GIT1: variants seen among roughly 807,000 people sequenced by gnomAD.
GIT1 encodes the protein GIT ArfGAP 1.
GIT1 carries 14 observed loss-of-function variants against 91.7 expected under a neutral mutation model. The observed-to-expected ratio is 0.15, with a 90% CI of 0.10 to 0.24. The LOEUF (loss-of-function observed/expected upper bound fraction) is 0.24. Among genes scored for constraint, GIT1 ranks in the 10% least tolerant of loss-of-function variants. GIT1 has a pLI of 1.00. For missense variants in GIT1, 717 were observed against 1,024.9 expected (o/e 0.70, Z 4.10); for synonymous variants, 414 against 418.2 (o/e 0.99, Z 0.12).
At position 29,574,535 on chromosome 17, in the gene GIT1, G is replaced by A. The variant is rs2033114493; in HGVS notation, c.*167C>T. On this transcript the variant is annotated 3_prime_UTR_variant, in exon 20 of 20. Coordinates refer to ENST00000225394, the MANE Select transcript of GIT1 (RefSeq NM_014030.4). ...CTGCCCCCCCACCTCCCCATCCTTAGGGGCTCGACAGGGGTGGGCACCAGG... is the reference window on the plus strand; with the variant it reads ...CTGCCCCCCCACCTCCCCATCCTTAAGGGCTCGACAGGGGTGGGCACCAGG... 1.5e-6 allele frequency: 1 copy of A among 688,280 alleles called. No homozygotes were observed. Among genetic ancestry groups the A allele is most frequent in the Non-Finnish European group, 2.6e-6 (1 of 382,478 alleles). The allele number at this position is 688,280 out of a possible 1,614,324, so 42.6% of individuals were successfully genotyped here.
chr17:29,582,037 C>G lies in GIT1; in HGVS notation c.513G>C (p.Leu171=), dbSNP rs747303951. Residue 171 remains leucine (L), a synonymous_variant, in exon 5 of 20, where the codon CTG becomes CTC. Transcript: ENST00000225394. ...TCTGTCCTGCCTTGGCAGCCACGTG[C>G]AGAGGTGTGGTGCCCTTCTCTGGGT... The part of the protein sequence containing the change: ...FFHPEKGTTP[L]HVAAKAGQTL... The G allele has an allele frequency of 1.2e-6, 2 of 1,611,838 alleles. No homozygotes were observed. The highest frequency in any genetic ancestry group is 1.1e-5 in the South Asian group (1 of 91,088).
Position 29,576,959 on chromosome 17 carries a change from G to C in GIT1, c.1131C>G (p.Leu377=). ...LELSLRSQSD[L]DDQHDYDSVA... is the part of the protein sequence containing the mutation. ...CGCTGTCGTAGTCGTGTTGGTCGTC[G>C]AGGTCACTCTGGCTCCGCAGAGACA... Residue 377 remains leucine (L), a synonymous_variant, in exon 12 of 20, where the codon CTC becomes CTG. Coordinates refer to ENST00000225394, the MANE Select transcript of GIT1 (RefSeq NM_014030.4). The C allele has an allele frequency of 6.2e-7, 1 of 1,601,476 alleles. No homozygotes were observed.
chr17:29,583,351 G>T, intron 2 of GIT1, 132 bp downstream of exon 2: 3 of 893,922 alleles, frequency 3.4e-6, no homozygotes, highest in Non-Finnish European at 5.2e-6. Context: ...ATTAGCCTCT[G>T]CCCTAGGGGG....
chr17:29,581,789 T>C lies in GIT1; in HGVS notation c.671A>G (p.Tyr224Cys), dbSNP rs1457377796. The stretch of plus-strand genomic sequence containing the variant: ...GAAGGCCAGCCGGTCAGTGAGCTCA[T>C]ATTGGCACTCAACCAGCCTTTCCGC... ...ELAERLVECQ[Y>C]ELTDRLAFYL... Residue 224 changes from tyrosine to cysteine, a missense_variant, in exon 6 of 20, where the codon TAT becomes TGT. Around this residue, in one of 3 missense-constraint regions of GIT1, gnomAD observed 271 missense variants for 451.6 expected, o/e 0.60. Transcript: ENST00000225394. This position sits in a 1 kb window ranked among gnomAD's most constrained non-coding sequence, Gnocchi z 4.8. The C allele has an allele frequency of 6.2e-7, 1 of 1,612,522 alleles. No individual in the cohort carries two copies. The highest frequency in any genetic ancestry group is 1.7e-5 in the Admixed American group (1 of 60,026).
chr17:29,577,298 C>T (rs777537881), intron 10 of GIT1, 51 bp from the exon 11 acceptor site: 82 of 1,402,998 alleles, frequency 5.8e-5, no homozygotes, highest in Non-Finnish European at 7.4e-5. Context: ...TTATGACTGA[C>T]GCAGGACGGC....
At chr17:29,585,914 G>A (rs956996368) in intron 1 of GIT1, among the ~76,000 whole-genome samples, 31 of 152,142 alleles carry the variant, frequency 2.0e-4, no homozygotes, top group African/African-American at 6.5e-4. Context: ...CTGGGATCAC[G>A]TTAACCAGTG....
In GIT1 at chr17:29,589,435, G is replaced by C; in HGVS notation, c.-57C>G. The C allele has an allele frequency of 1.3e-6, 1 of 747,782 alleles. No homozygotes were observed. The highest frequency in any genetic ancestry group is 1.6e-6 in the Non-Finnish European group (1 of 615,278). The allele number at this position is 747,782 out of a possible 1,614,324, so 46.3% of individuals were successfully genotyped here. A position where few individuals can be genotyped will look rare whatever the true frequency, so the allele number is the denominator to read the frequency against. On this transcript the variant is annotated 5_prime_UTR_variant, in exon 1 of 20. Transcript: ENST00000225394. The surrounding 1 kb of genome is among the most constrained non-coding windows in gnomAD (Gnocchi z 5.2). ...GCCAGCGTGGGGGGCGCGGGCGGCG[G>C]GCCCGGGCGGCGGCGGCGGCCCCTG...
intron 7 of GIT1, among the ~76,000 whole-genome samples, chr17:29,580,369 C>T (rs2033356889): frequency 6.6e-6 from 1 of 152,202 alleles, no homozygotes; most frequent in Non-Finnish European, 1.5e-5. Flanking sequence ...TCTGAGTCGC[C>T]CAGGCCTGGT....
rs779368238 is a variant in GIT1, at chr17:29,582,681, T to C, written c.405+17A>G. On this transcript the variant is annotated intron_variant, in intron 4 of 19. Transcript: ENST00000225394. ...GAAGAGGAGGGGGCCACCCATCTGTTGTAGGGCCCCTCAAACCTTGCTGAG... is the reference window on the plus strand; with the variant it reads ...GAAGAGGAGGGGGCCACCCATCTGTCGTAGGGCCCCTCAAACCTTGCTGAG... 6.5e-7 allele frequency: 1 copy of C among 1,543,608 alleles called. No individual in the cohort carries two copies. The highest frequency in any genetic ancestry group is 1.1e-5 in the South Asian group (1 of 89,630).
chr17:29,579,704 C>A (rs1219898764), intron 7 of GIT1, among the ~76,000 whole-genome samples: 1 of 151,240 alleles, frequency 6.6e-6, no homozygotes, highest in Non-Finnish European at 1.5e-5. Flanking sequence ...GCCTGGGCAA[C>A]AGAGCGAGAC....
chr17:29,582,156 A>G lies in GIT1; in HGVS notation c.406-12T>C, dbSNP rs2033420057. Reference sequence around the variant, plus strand: ...CTCGAGTGTAGTTGCTAAGAGGAGCAGAGTGTGCAGTGAATACGCATGTGC... The same window carrying G: ...CTCGAGTGTAGTTGCTAAGAGGAGCGGAGTGTGCAGTGAATACGCATGTGC... On this transcript the variant is annotated splice_polypyrimidine_tract_variant and intron_variant, in intron 4 of 19. Transcript: ENST00000225394. 6 of 1,542,700 alleles carry G rather than the reference A, an allele frequency of 3.9e-6. No individual in the cohort carries two copies. The highest frequency in any genetic ancestry group is 5.2e-6 in the Non-Finnish European group (6 of 1,148,800).
At chr17:29,586,139 G>A (rs932146144) in intron 1 of GIT1, among the ~76,000 whole-genome samples, 1 of 152,184 alleles carries the variant, frequency 6.6e-6, no homozygotes, top group Non-Finnish European at 1.5e-5. Context: ...GGTTACCTCT[G>A]GGGTGCACGG....
chr17:29,582,945 G>A lies in GIT1; in HGVS notation c.279C>T (p.Ala93=). ...PAQVQSGRRK[A]NPQDKVHPIK... is the part of the protein sequence containing the mutation. ...CTCACTGGACTTTGTCTTGGGGGTT[G>A]GCTTTACGCCGGCCGCTCTGCACTT... is the stretch of plus-strand genomic sequence containing the variant. The change falls in exon 3 of 20, where the codon GCC becomes GCT. Residue 93 remains alanine, a synonymous_variant. Coordinates refer to ENST00000225394, the MANE Select transcript of GIT1 (RefSeq NM_014030.4). 1 of 1,611,000 alleles carries A rather than the reference G, an allele frequency of 6.2e-7. No homozygotes were observed. Among genetic ancestry groups the A allele is most frequent in the African/African-American group, 1.3e-5 (1 of 75,002 alleles).
rs1000227959 is a variant in GIT1 at position 29,576,095 on chromosome 17, G to C, written c.1648C>G (p.Pro550Ala). The change falls in exon 15 of 20, where the codon CCT (proline) becomes GCT (alanine). Residue 550 changes from proline (P) to alanine (A), a missense_variant. This residue lies in a region of GIT1 where 312 missense variants were observed against 349.5 expected (regional missense o/e 0.89). Transcript: ENST00000225394. ...AGGCTTACCCGGTAAAGGCCAGCAG[G>C]GACGTGCACTGAATAGATGGCGTCG... is the stretch of plus-strand genomic sequence containing the variant. ...EDDAIYSVHVPAGLYRIRKGV... is the reference protein window; with the variant it reads ...EDDAIYSVHVAAGLYRIRKGV... 1 of 1,613,616 alleles carries C rather than the reference G, an allele frequency of 6.2e-7. No individual in the cohort carries two copies. Among genetic ancestry groups the C allele is most frequent in the Admixed American group, 1.7e-5 (1 of 60,006 alleles).
intron 1 of GIT1, among the ~76,000 whole-genome samples, chr17:29,585,826 C>T (rs1598580055): frequency 6.6e-6 from 1 of 152,276 alleles, no homozygotes; most frequent in Non-Finnish European, 1.5e-5. Flanking sequence ...TAAGGGAACT[C>T]GTCAGCCCTC....
rs1188174540 is a variant in GIT1, at chr17:29,578,790, A to G, written c.762-11T>C. The G allele has an allele frequency of 6.2e-7, 1 of 1,613,606 alleles. No individual in the cohort carries two copies. The highest frequency in any genetic ancestry group is 8.5e-7 in the Non-Finnish European group (1 of 1,179,640). On this transcript the variant is annotated splice_polypyrimidine_tract_variant and intron_variant, in intron 7 of 19. Coordinates refer to ENST00000225394, the MANE Select transcript of GIT1 (RefSeq NM_014030.4). Reference sequence around the variant, plus strand: ...TCGGATAAGTCAAGGCTGAGGGCAGAGGGAGATGGGAATTGGGAGGAGAGG... The same window carrying G: ...TCGGATAAGTCAAGGCTGAGGGCAGGGGGAGATGGGAATTGGGAGGAGAGG...
chr17:29,581,641 C>T lies in GIT1; in HGVS notation c.718+101G>A, dbSNP rs567211310. 1.3e-4 allele frequency: 114 copies of T among 888,960 alleles called. No individual in the cohort carries two copies. The highest frequency in any genetic ancestry group is 1.8e-4 in the Non-Finnish European group (102 of 552,042). 55.1% of individuals were successfully genotyped at this position (888,960 alleles called of 1,614,324 possible). On this transcript the variant is annotated intron_variant, in intron 6 of 19. Coordinates refer to ENST00000225394, the MANE Select transcript of GIT1 (RefSeq NM_014030.4). The surrounding 1 kb of genome is among the most constrained non-coding windows in gnomAD (Gnocchi z 4.8). ...TTGCCTAGCAACATTGCTCCCCAGC[C>T]GCTCTGTCACCATGGCACCTGCTGC...
intron 2 of GIT1, 106 bp from the exon 3 acceptor site, chr17:29,583,143 A>G: frequency 1.3e-6 from 1 of 754,246 alleles, no homozygotes; most frequent in South Asian, 1.5e-5. Flanking sequence ...AAACGGTACC[A>G]AGGGGGCCTA....
Position 29,589,419 on chromosome 17 carries a change from G to C in GIT1, c.-41C>G. ...GGCCGCAGCCCTCTGGGCCAGCGTGGGGGGCGCGGGCGGCGGGCCCGGGCG... is the reference window on the plus strand; with the variant it reads ...GGCCGCAGCCCTCTGGGCCAGCGTGCGGGGCGCGGGCGGCGGGCCCGGGCG... On this transcript the variant is annotated 5_prime_UTR_variant, in exon 1 of 20. Coordinates refer to ENST00000225394, the MANE Select transcript of GIT1 (RefSeq NM_014030.4). This position sits in a 1 kb window ranked among gnomAD's most constrained non-coding sequence, Gnocchi z 5.2. 1.1e-6 allele frequency: 1 copy of C among 913,020 alleles called. No homozygotes were observed. Among genetic ancestry groups the C allele is most frequent in the Non-Finnish European group, 1.3e-6 (1 of 765,472 alleles). 56.6% of individuals were successfully genotyped at this position (913,020 alleles called of 1,614,324 possible). A position where few individuals can be genotyped will look rare whatever the true frequency, so the allele number is the denominator to read the frequency against.
Sources: allele counts gnomAD v4.1 joint callset (sites outside exome capture counted in the v4.1 genomes callset), GRCh38; gene constraint gnomAD v4.1.1; regional missense constraint gnomAD v4.1.1; non-coding constraint Gnocchi (gnomAD v3.1); transcripts MANE v1.5; gene names NCBI Gene and HGNC (gene_info 2026-07-23, HGNC 2026-07-21).